The following EPRS1 variants were observed in gnomAD, a reference collection of about 807,000 sequenced individuals.
The protein encoded by EPRS1 is bifunctional glutamate/proline--tRNA ligase.
In EPRS1, 107 loss-of-function variants were observed where a neutral mutation model predicts 188.3. The ratio of observed to expected loss-of-function variants is 0.57; its 90% CI spans 0.49 to 0.67. The LOEUF (loss-of-function observed/expected upper bound fraction) is 0.67, where lower values mean the gene tolerates loss of function less well. Ranked by LOEUF, EPRS1 falls within the 30% of genes least tolerant of loss-of-function variation. The pLI is 0.00. For synonymous variants in EPRS1, 596 were observed against 593.1 expected, an observed-to-expected ratio of 1.00 and a Z score of -0.07; for missense variants, 1,577 against 1,802.2, an observed-to-expected ratio of 0.88 and a Z score of 2.26.
chr1:220,027,361 G>A (rs1571692994), intron 6 of EPRS1, among the ~76,000 whole-genome samples: 2 of 152,022 alleles, frequency 1.3e-5, no homozygotes, highest in Admixed American at 1.3e-4. Flanking sequence ...CCGGGAGGTG[G>A]AGCTTGCAGT....
At chr1:219,988,911 A>C in intron 18 of EPRS1, 88 bp from the exon 19 acceptor site, 1 of 750,594 alleles carries the variant, frequency 1.3e-6, no homozygotes, top group Non-Finnish European at 2.2e-6. Flanking sequence ...AATTATCAGC[A>C]AATCATTCCC....
chr1:220,006,876 TTC>T (rs1159252379), intron 14 of EPRS1, among the ~76,000 whole-genome samples: 1 of 152,216 alleles, frequency 6.6e-6, no homozygotes, highest in Non-Finnish European at 1.5e-5. Context: ...TACATATAAA[TTC>T]TGTCTAAAAG....
chr1:220,018,953 G>A, intron 11 of EPRS1, 42 bp downstream of exon 11: 1 of 1,359,772 alleles, frequency 7.4e-7, no homozygotes, highest in Non-Finnish European at 1.1e-6. Context: ...AGAAGTACCT[G>A]AAATTTCAAA....
chr1:220,006,963 T>A (rs60158048), intron 14 of EPRS1, among the ~76,000 whole-genome samples: 271 of 152,322 alleles, frequency 1.8e-3, no homozygotes, highest in Middle Eastern at 0.014. Context: ...AACTATTTTT[T>A]ATATCCAGAT....
intron 6 of EPRS1, among the ~76,000 whole-genome samples, chr1:220,027,289 G>T (rs1661995068): frequency 6.6e-6 from 1 of 152,100 alleles, no homozygotes; most frequent in South Asian, 2.1e-4. Context: ...TTAGCCGAGA[G>T]TGGTGGCAGG....
At chr1:220,042,524 C>T (rs1243434724) in intron 1 of EPRS1, among the ~76,000 whole-genome samples, 1 of 151,764 alleles carries the variant, frequency 6.6e-6, no homozygotes, top group East Asian at 1.9e-4. Flanking sequence ...AGGACAGAGT[C>T]CAGGTTGGAG....
chr1:220,041,261 A>G (rs1264796701), intron 1 of EPRS1, among the ~76,000 whole-genome samples: 1 of 151,752 alleles, frequency 6.6e-6, no homozygotes, highest in Non-Finnish European at 1.5e-5. Flanking sequence ...GAGCCTGGGA[A>G]GTCATGGCCG....
chr1:219,979,642 T>C, intron 26 of EPRS1, 27 bp from the exon 27 acceptor site: 1 of 1,488,296 alleles, frequency 6.7e-7, no homozygotes, highest in Non-Finnish European at 9.4e-7. Context: ...AAAATAAGCT[T>C]CATTTTTAAT....
chr1:220,033,277 G>A (rs1331301645), intron 4 of EPRS1, among the ~76,000 whole-genome samples: 2 of 72,446 alleles, frequency 2.8e-5, no homozygotes. Context: ...AGTTGGGGTT[G>A]TGAGACAGAC....
At chr1:219,995,355 A>C (rs1204306939) in intron 18 of EPRS1, among the ~76,000 whole-genome samples, 1 of 152,226 alleles carries the variant, frequency 6.6e-6, no homozygotes, top group African/African-American at 2.4e-5. Flanking sequence ...AATTAAGCTG[A>C]CCAAAAATTG....
chr1:219,987,001 A>T, intron 20 of EPRS1, 141 bp downstream of exon 20: 1 of 860,420 alleles, frequency 1.2e-6, no homozygotes. Flanking sequence ...GAAAATCAAT[A>T]AATGCTATCT....
rs139272363 is a variant in EPRS1 at position 220,020,209 on chromosome 1, T to A, written c.1128A>T (p.Thr376=). 6.2e-7 allele frequency: 1 copy of A among 1,609,680 alleles called. No homozygotes were observed. The highest frequency in any genetic ancestry group is 1.1e-5 in the South Asian group (1 of 90,426). Reference sequence around the variant, plus strand: ...CAACTATGGGGCAGGCAAAATCATATGTTGGATAAACACTAGAAAAAAAGA... The same window carrying A: ...CAACTATGGGGCAGGCAAAATCATAAGTTGGATAAACACTAGAAAAAAAGA... The part of the protein sequence containing the change: ...RTGNKYNVYP[T]YDFACPIVDS... The change falls in exon 10 of 32, where the codon ACA becomes ACT. Residue 376 remains threonine (T), a synonymous_variant. Coordinates refer to ENST00000366923, the MANE Select transcript of EPRS1 (RefSeq NM_004446.3).
chr1:219,975,161 G>T (rs1392333977), intron 28 of EPRS1, among the ~76,000 whole-genome samples: 1 of 152,142 alleles, frequency 6.6e-6, no homozygotes, highest in Non-Finnish European at 1.5e-5. Flanking sequence ...AGGGCCACTG[G>T]TAGCCCACAG....
intron 20 of EPRS1, among the ~76,000 whole-genome samples, chr1:219,984,744 T>TA (rs1226180766): frequency 2.7e-5 from 4 of 145,564 alleles, no homozygotes; most frequent in East Asian, 4.7e-4. Context: ...GTTTTTAACC[T>TA]AAAAAAACAG....
chr1:220,022,382 T>C lies in EPRS1; in HGVS notation c.1080A>G (p.Lys360=), dbSNP rs1303325894. The C allele has an allele frequency of 1.9e-6, 3 of 1,613,464 alleles. No individual in the cohort carries two copies. In the African/African-American group the frequency reaches 4.0e-5, roughly 22 times the overall value. The change falls in exon 9 of 32, where the codon AAA becomes AAG. Residue 360 remains lysine (K), a synonymous_variant. Transcript: ENST00000366923. The stretch of plus-strand genomic sequence containing the variant: ...TTCCAGTTCTTGGATGTGGTTGAAT[T>C]TTGCAGCGATAAAGGGTTGGATCTC... ...CMRDPTLYRC[K]IQPHPRTGNK...
chr1:219,973,940 A>T (rs893103189), intron 28 of EPRS1, among the ~76,000 whole-genome samples: 1 of 151,660 alleles, frequency 6.6e-6, no homozygotes, highest in African/African-American at 2.4e-5. Flanking sequence ...GCGACCTGAG[A>T]ATTTGTTTTT....
chr1:220,032,362 T>A (rs3738339), intron 5 of EPRS1, 25 bp downstream of exon 5: 119,654 of 1,501,836 alleles, frequency 0.08, 6,548 homozygotes, highest in East Asian at 0.32. Context: ...TTTTTTTTTT[T>A]AAAAAAAAAG....
chr1:219,994,492 G>A (rs1204944115), intron 18 of EPRS1, among the ~76,000 whole-genome samples: 1 of 151,614 alleles, frequency 6.6e-6, no homozygotes, highest in Non-Finnish European at 1.5e-5. Context: ...AGAGGTCTGT[G>A]TAATGCAAAA....
chr1:219,983,552 T>C (rs1238838745), intron 21 of EPRS1, among the ~76,000 whole-genome samples, 154 bp from the exon 22 acceptor site: 3 of 152,154 alleles, frequency 2.0e-5, no homozygotes, highest in Non-Finnish European at 4.4e-5. Context: ...AAAACAGACC[T>C]GACTATACTG....
Sources: gnomAD v4.1 joint callset for allele counts (sites outside exome capture counted in the v4.1 genomes callset) on GRCh38, gnomAD v4.1.1 for gene constraint, MANE v1.5 for transcripts, NCBI Gene and HGNC (gene_info 2026-07-23, HGNC 2026-07-21) for gene names.